NKAIN2: variants seen among roughly 807,000 people sequenced by gnomAD.
The protein encoded by NKAIN2 is sodium/potassium transporting ATPase interacting 2.
Under a neutral mutation model 32.6 loss-of-function variants are expected in NKAIN2, and 14 were observed. The ratio of observed to expected loss-of-function variants is 0.43; its 90% CI spans 0.28 to 0.67. The LOEUF is 0.67. Among genes scored for constraint, NKAIN2 ranks in the 30% least tolerant of loss-of-function variants. The probability of loss-of-function intolerance (pLI) is 0.17; values close to 1 mark genes in which losing one functional copy is unlikely to be tolerated. For missense variants in NKAIN2, 198 were observed against 258.3 expected, an observed-to-expected ratio of 0.77 and a Z score of 1.60; for synonymous variants, 80 against 87.2, an observed-to-expected ratio of 0.92 and a Z score of 0.46.
At chr6:124,476,065 AGTGTGTGTGT>A (rs61191593) in intron 3 of NKAIN2, among the ~76,000 whole-genome samples, 308 of 132,544 alleles carry the variant, frequency 2.3e-3, no homozygotes, top group Middle Eastern at 0.012. Context: ...AGAGAGAGAG[AGTGTGTGTGT>A]GTGTGTGTGT....
At chr6:124,778,594 G>C (rs2114777454) in intron 4 of NKAIN2, among the ~76,000 whole-genome samples, 1 of 152,072 alleles carries the variant, frequency 6.6e-6, no homozygotes, top group Admixed American at 6.5e-5. Context: ...TATAAATATA[G>C]AGAAAATTCG....
chr6:124,816,559 T>C (rs1234559303), intron 5 of NKAIN2, among the ~76,000 whole-genome samples: 2 of 152,192 alleles, frequency 1.3e-5, no homozygotes, highest in African/African-American at 4.8e-5. Flanking sequence ...CTGTACTTTC[T>C]GCTCCATTTT....
intron 1 of NKAIN2, among the ~76,000 whole-genome samples, chr6:123,990,020 C>A (rs567569747): frequency 1.3e-5 from 2 of 152,268 alleles, no homozygotes; most frequent in African/African-American, 4.8e-5. Context: ...AGGAAACTTA[C>A]AATCATGGAG....
chr6:124,354,336 A>G (rs577563818), intron 2 of NKAIN2, among the ~76,000 whole-genome samples: 1 of 152,302 alleles, frequency 6.6e-6, no homozygotes, highest in East Asian at 1.9e-4. Flanking sequence ...GTGTCTTGCT[A>G]GCATGTTGCC....
chr6:123,872,252 G>C (rs575562910), intron 1 of NKAIN2, among the ~76,000 whole-genome samples: 1 of 152,332 alleles, frequency 6.6e-6, no homozygotes, highest in Non-Finnish European at 1.5e-5. Context: ...TGAGAAAGTG[G>C]TCCTGAAAAG....
At chr6:124,292,281 C>T (rs1795850240) in intron 2 of NKAIN2, among the ~76,000 whole-genome samples, 1 of 152,066 alleles carries the variant, frequency 6.6e-6, no homozygotes, top group Non-Finnish European at 1.5e-5. Flanking sequence ...TTGTCTCTTT[C>T]TCCTCCATAC....
rs9482497 is a variant in NKAIN2 at position 123,988,181 on chromosome 6, G to A, written c.54+183927G>A. On this transcript the variant is annotated intron_variant, in intron 1 of 6. Coordinates refer to ENST00000368417, the MANE Select transcript of NKAIN2 (RefSeq NM_001040214.3). ...AAAAAGTATAGAAAGATATCAATAA[G>A]GAATGTAAACCTTTTGCATATGACT... is the stretch of plus-strand genomic sequence containing the variant. 9.1e-3 allele frequency among the ~76,000 whole-genome samples: 1,392 copies of A among 152,210 alleles called. 19 individuals carry two copies. Among genetic ancestry groups the A allele is most frequent in the African/African-American group, 0.031 (1,307 of 41,550 alleles).
chr6:123,906,350 A>ATGGCTCAC (rs150578968), intron 1 of NKAIN2, among the ~76,000 whole-genome samples: 23,570 of 151,068 alleles, frequency 0.16, 1,964 homozygotes, highest in Non-Finnish European at 0.18. Flanking sequence ...TGGTGCGATC[A>ATGGCTCAC]TGGCTCACTG....
At chr6:123,955,196 C>CAAAAAAAAAA (rs5879708) in intron 1 of NKAIN2, among the ~76,000 whole-genome samples, 1 of 105,026 alleles carries the variant, frequency 9.5e-6, no homozygotes. Context: ...ACAGAAAAAC[C>CAAAAAAAAAA]AAAAAAAAAA....
chr6:124,087,129 CAATT>C (rs1193678500), intron 1 of NKAIN2, among the ~76,000 whole-genome samples: 2 of 151,946 alleles, frequency 1.3e-5, no homozygotes, highest in African/African-American at 4.8e-5. Flanking sequence ...ATGTAAAAAT[CAATT>C]AATGTAAACC....
chr6:124,285,272 C>T (rs1172745641), intron 2 of NKAIN2, among the ~76,000 whole-genome samples: 1 of 151,990 alleles, frequency 6.6e-6, no homozygotes, highest in Non-Finnish European at 1.5e-5. Flanking sequence ...AGAAATATAT[C>T]CTCTAAATTC....
intron 3 of NKAIN2, among the ~76,000 whole-genome samples, chr6:124,436,872 G>T (rs1583250243): frequency 6.6e-6 from 1 of 152,244 alleles, no homozygotes; most frequent in East Asian, 1.9e-4. Flanking sequence ...GCTAGTAAAA[G>T]TCTGCAATGA....
chr6:124,794,684 T>C (rs909099400), intron 5 of NKAIN2, among the ~76,000 whole-genome samples: 17 of 152,178 alleles, frequency 1.1e-4, no homozygotes, highest in Admixed American at 9.8e-4. Context: ...GAGGAGATGT[T>C]CATTTGGGCT....
intron 3 of NKAIN2, among the ~76,000 whole-genome samples, chr6:124,479,447 G>A (rs1305666544): frequency 6.6e-6 from 1 of 152,100 alleles, no homozygotes; most frequent in African/African-American, 2.4e-5. Flanking sequence ...ACAATCTCTG[G>A]ATGGAATGAA....
At chr6:124,054,740 C>A in intron 1 of NKAIN2, among the ~76,000 whole-genome samples, 1 of 151,938 alleles carries the variant, frequency 6.6e-6, no homozygotes, top group East Asian at 1.9e-4. Context: ...CACACATACA[C>A]CCCTAGGCAT....
chr6:124,567,175 A>C (rs1780948000), intron 3 of NKAIN2, among the ~76,000 whole-genome samples: 1 of 152,142 alleles, frequency 6.6e-6, no homozygotes, highest in Non-Finnish European at 1.5e-5. Flanking sequence ...CCTTGCTATA[A>C]AATTCAATCC....
chr6:124,581,703 A>C (rs1362808345), intron 3 of NKAIN2, among the ~76,000 whole-genome samples: 2 of 152,156 alleles, frequency 1.3e-5, no homozygotes, highest in African/African-American at 4.8e-5. Context: ...ACAACAAGAG[A>C]AATTTTGGAA....
chr6:124,519,473 G>T (rs1287223900), intron 3 of NKAIN2, among the ~76,000 whole-genome samples: 1 of 152,138 alleles, frequency 6.6e-6, no homozygotes, highest in African/African-American at 2.4e-5. Flanking sequence ...AAATTTGTGT[G>T]TGTACAAGCT....
chr6:124,763,295 A>G (rs1034387119), intron 4 of NKAIN2, among the ~76,000 whole-genome samples: 3 of 152,238 alleles, frequency 2.0e-5, no homozygotes, highest in Non-Finnish European at 4.4e-5. Context: ...GGTTATTTAC[A>G]AAGAAAAGAG....
Sources: gnomAD v4.1 joint callset for allele counts (sites outside exome capture counted in the v4.1 genomes callset) on GRCh38, gnomAD v4.1.1 for gene constraint, MANE v1.5 for transcripts, NCBI Gene and HGNC (gene_info 2026-07-23, HGNC 2026-07-21) for gene names.